Variants in CSPG4 observed in about 807,000 individuals in gnomAD.
CSPG4 encodes chondroitin sulfate proteoglycan 4.
In CSPG4, 74 loss-of-function variants were observed where a neutral mutation model predicts 139.3. The ratio of observed to expected loss-of-function variants is 0.53; its 90% CI spans 0.44 to 0.64. The LOEUF (loss-of-function observed/expected upper bound fraction) is 0.64, where lower values mean the gene tolerates loss of function less well. CSPG4 is among the 30% of genes least tolerant of loss of function. CSPG4 has a pLI of 0.00. For synonymous variants in CSPG4, 1,234 were observed against 1,394.2 expected (o/e 0.89, Z 2.56); for missense variants, 2,565 against 3,148.3 (o/e 0.81, Z 4.43).
At chr15:75,684,088 A>T (rs1286717005) in intron 5 of CSPG4, among the ~76,000 whole-genome samples, 5 of 137,664 alleles carry the variant, frequency 3.6e-5, no homozygotes, top group Non-Finnish European at 7.8e-5. Flanking sequence ...CCCTTTATGG[A>T]AACTTCAGTG....
intron 8 of CSPG4, among the ~76,000 whole-genome samples, chr15:75,678,111 C>A (rs540759129): frequency 2.6e-5 from 4 of 152,294 alleles, no homozygotes; most frequent in Admixed American, 6.5e-5. Flanking sequence ...ACTCTGCCAC[C>A]CTGGGGAAAT....
chr15:75,693,219 C>T lies in CSPG4; in HGVS notation c.103G>A (p.Glu35Lys). 1 of 1,605,960 alleles carries T rather than the reference C, an allele frequency of 6.2e-7. No homozygotes were observed. Among genetic ancestry groups the T allele is most frequent in the South Asian group, 1.1e-5 (1 of 89,932 alleles). Residue 35 changes from glutamate (E) to lysine (K), a missense_variant, in exon 2 of 10, where the codon GAG becomes AAG. Physicochemically the swap from Glu to Lys is moderately conservative, Grantham distance 56 (BLOSUM62 1). Around this residue, in one of 5 missense-constraint regions of CSPG4, gnomAD observed 47 missense variants for 48.7 expected, o/e 0.97. Transcript: ENST00000308508. ...GCCACAGGCACCTCCAGGTGGTTCT[C>T]ACCGAAGAAGGAAGCTGTGTGAGAG... ...RLASAASFFG[E>K]NHLEVPVATA...
At position 75,688,474 on chromosome 15, in the gene CSPG4, C is replaced by T. The variant is rs777240528; in HGVS notation, c.2591G>A (p.Arg864His). ...AGRVTYGATARASEAVEDTFR... is the reference protein window; with the variant it reads ...AGRVTYGATAHASEAVEDTFR... ...GGTGTCCTCGACTGCCTCTGAGGCA[C>T]GTGCTGTGGCCCCATAGGTCACCCG... Residue 864 changes from arginine to histidine, a missense_variant, in exon 3 of 10, where the codon CGT becomes CAT. This residue lies in a region of CSPG4 where 2,316 missense variants were observed against 2,818.2 expected (regional missense o/e 0.82). Transcript: ENST00000308508. 23 of 1,613,108 alleles carry T rather than the reference C, an allele frequency of 1.4e-5. No homozygotes were observed. The highest frequency in any genetic ancestry group is 9.9e-5 in the South Asian group (9 of 91,082).
In CSPG4 at chr15:75,675,113, G is replaced by A; in HGVS notation, c.*437C>T. The A allele has an allele frequency of 3.0e-6, 1 of 334,272 alleles. No homozygotes were observed. Among genetic ancestry groups the A allele is most frequent in the Admixed American group, 4.8e-5 (1 of 20,646 alleles). 20.7% of individuals were successfully genotyped at this position (334,272 alleles called of 1,614,324 possible). On this transcript the variant is annotated 3_prime_UTR_variant, in exon 10 of 10. Coordinates refer to ENST00000308508, the MANE Select transcript of CSPG4 (RefSeq NM_001897.5). ...GAGACAAAGGGTGGCCTGGGTTGGA[G>A]TGGAAAAGCCAGGAATAGCTTCCTC...
In CSPG4 at chr15:75,712,820, G is replaced by A. The variant is rs1894465378; in HGVS notation, c.-65C>T. 7 of 1,390,828 alleles carry A rather than the reference G, an allele frequency of 5.0e-6. No individual in the cohort carries two copies. The African/African-American group carries it at 6.0e-5, about 12-fold the overall frequency. 86.2% of individuals were successfully genotyped at this position (1,390,828 alleles called of 1,614,324 possible). Reference sequence around the variant, plus strand: ...GAGTCCTGGGAGCTGGGAGCTGAGTGGAGCGAGCGCGGCTCTGCTCCTGGG... The same window carrying A: ...GAGTCCTGGGAGCTGGGAGCTGAGTAGAGCGAGCGCGGCTCTGCTCCTGGG... On this transcript the variant is annotated 5_prime_UTR_variant, in exon 1 of 10. Transcript: ENST00000308508.
intron 1 of CSPG4, among the ~76,000 whole-genome samples, chr15:75,709,675 G>C (rs1367591841): frequency 6.6e-6 from 1 of 151,730 alleles, no homozygotes; most frequent in African/African-American, 2.4e-5. Flanking sequence ...TCCCCTGCCC[G>C]CCCCTCCTGG....
Position 75,674,715 on chromosome 15 carries a change from A to G in CSPG4, c.*835T>C, listed in dbSNP as rs1269043249. ...GTCCTCAGGGGGGCACTGGCACCGC[A>G]GTGGCCTCGGCCTGAGACCCTCGAT... On this transcript the variant is annotated 3_prime_UTR_variant, in exon 10 of 10. Coordinates refer to ENST00000308508, the MANE Select transcript of CSPG4 (RefSeq NM_001897.5). 5.0e-6 allele frequency: 2 copies of G among 398,686 alleles called. No homozygotes were observed. Among genetic ancestry groups the G allele is most frequent in the African/African-American group, 2.1e-5 (1 of 48,616 alleles). 24.7% of individuals were successfully genotyped at this position (398,686 alleles called of 1,614,324 possible).
In CSPG4 at chr15:75,682,463, C is replaced by T. The variant is rs761692206; in HGVS notation, c.4784-4G>A. On this transcript the variant is annotated splice_polypyrimidine_tract_variant and splice_region_variant and intron_variant, in intron 7 of 9. Coordinates refer to ENST00000308508, the MANE Select transcript of CSPG4 (RefSeq NM_001897.5). Reference sequence around the variant, plus strand: ...CTGCTGAGTGGCTGGACGGACCCTGCCAGAGGCAAAAGGGGATATCAGATT... The same window carrying T: ...CTGCTGAGTGGCTGGACGGACCCTGTCAGAGGCAAAAGGGGATATCAGATT... 9 of 1,576,380 alleles carry T rather than the reference C, an allele frequency of 5.7e-6. No homozygotes were observed. In the South Asian group the frequency reaches 1.0e-4, roughly 18 times the overall value.
chr15:75,702,697 C>T (rs554486051), intron 1 of CSPG4, among the ~76,000 whole-genome samples: 2 of 152,184 alleles, frequency 1.3e-5, no homozygotes, highest in South Asian at 2.1e-4. Context: ...TGGGAGGGCT[C>T]GAGGGACTGC....
intron 8 of CSPG4, among the ~76,000 whole-genome samples, chr15:75,681,877 C>A (rs1893978475): frequency 6.6e-6 from 1 of 152,224 alleles, no homozygotes; most frequent in African/African-American, 2.4e-5. Flanking sequence ...CCCAGGCTCA[C>A]ACCTCTGCCC....
chr15:75,685,775 G>A (rs1894050027), intron 3 of CSPG4, 74 bp from the exon 4 acceptor site: 2 of 1,474,774 alleles, frequency 1.4e-6, no homozygotes, highest in Non-Finnish European at 1.8e-6. Context: ...GTGGCCCTAA[G>A]AAGCCGGAAC....
chr15:75,694,597 C>T (rs955020724), intron 1 of CSPG4, among the ~76,000 whole-genome samples: 4 of 152,312 alleles, frequency 2.6e-5, no homozygotes, highest in African/African-American at 7.2e-5. Context: ...TTGGAGGAGT[C>T]GGAGACTTGT....
At chr15:75,697,993 A>C (rs1210372915) in intron 1 of CSPG4, among the ~76,000 whole-genome samples, 1 of 152,226 alleles carries the variant, frequency 6.6e-6, no homozygotes, top group African/African-American at 2.4e-5. Context: ...GGATTCACAT[A>C]CAGACCAAGG....
chr15:75,688,248 C>T lies in CSPG4; in HGVS notation c.2817G>A (p.Arg939=). The T allele has an allele frequency of 1.2e-6, 2 of 1,612,954 alleles. No individual in the cohort carries two copies. The highest frequency in any genetic ancestry group is 1.7e-6 in the Non-Finnish European group (2 of 1,179,962). ...GCCAAGCCAACCTCCCATGGCGGGG[C>T]CGCTCCATGACCTCATAGAGGTAGC... ...SASYLYEVME[R]PRHGRLAWRG... is the part of the protein sequence containing the mutation. Residue 939 remains arginine, a synonymous_variant, in exon 3 of 10, where the codon CGG becomes CGA. Transcript: ENST00000308508.
intron 5 of CSPG4, 129 bp downstream of exon 5, chr15:75,684,607 G>T: frequency 1.2e-6 from 1 of 815,854 alleles, no homozygotes; most frequent in Non-Finnish European, 1.9e-6. Context: ...CGTGAGGCAT[G>T]TGGCAGCGTC....
chr15:75,694,977 C>T (rs1045129574), intron 1 of CSPG4, among the ~76,000 whole-genome samples: 2 of 152,244 alleles, frequency 1.3e-5, no homozygotes, highest in African/African-American at 4.8e-5. Flanking sequence ...AGAGCCACCA[C>T]CGTCACCTGC....
At position 75,689,663 on chromosome 15, in the gene CSPG4, C is replaced by G; in HGVS notation, c.1402G>C (p.Val468Leu). 2.5e-6 allele frequency: 4 copies of G among 1,612,938 alleles called. No individual in the cohort carries two copies. Among genetic ancestry groups the G allele is most frequent in the Non-Finnish European group, 3.4e-6 (4 of 1,179,866 alleles). Reference protein sequence around the residue: ...LMEAELRKSQVLFSVTRGARH... With the variant: ...LMEAELRKSQLLFSVTRGARH... ...GCCCCTCGGGTCACGCTGAACAGCA[C>G]CTGGGATTTGCGCAGCTCAGCCTCC... Residue 468 changes from valine (V) to leucine (L), a missense_variant, in exon 3 of 10, where the codon GTG becomes CTG. Val to Leu is a conservative substitution (Grantham distance 32). Around this residue, in one of 5 missense-constraint regions of CSPG4, gnomAD observed 2,316 missense variants for 2,818.2 expected, o/e 0.82. Transcript: ENST00000308508.
Position 75,676,309 on chromosome 15 carries a change from A to G in CSPG4, c.6210T>C (p.Ala2070=), listed in dbSNP as rs1309288328. 3.7e-6 allele frequency: 6 copies of G among 1,607,636 alleles called. No individual in the cohort carries two copies. In the Admixed American group the frequency reaches 8.4e-5, roughly 23 times the overall value. The change falls in exon 10 of 10, where the codon GCT becomes GCC. Residue 2070 remains alanine, a synonymous_variant. Coordinates refer to ENST00000308508, the MANE Select transcript of CSPG4 (RefSeq NM_001897.5). ...TLRLDPTVLD[A]GELANRTGSV... ...TGCCTGTGCGGTTGGCCAGCTCGCC[A>G]GCATCTAGGACGGTGGGGTCCAGGC...
Position 75,675,972 on chromosome 15 carries a change from G to A in CSPG4, c.6547C>T (p.Arg2183Trp), listed in dbSNP as rs1291027438. The A allele has an allele frequency of 4.4e-6, 7 of 1,578,316 alleles. No individual in the cohort carries two copies. The highest frequency in any genetic ancestry group is 1.3e-5 in the African/African-American group (1 of 74,604). ...CTCTCTGGCTTCCCTGCTTCCGTCC[G>A]GGCGGCCTCGGGGACACTGAGCAGG... ...VALLSVPEAA[R>W]TEAGKPESST... The change falls in exon 10 of 10, where the codon CGG becomes TGG. Residue 2183 changes from arginine (R) to tryptophan (W), a missense_variant. Arg to Trp is a moderately radical substitution (Grantham distance 101). This residue lies in a region of CSPG4 where 2,316 missense variants were observed against 2,818.2 expected (regional missense o/e 0.82). Transcript: ENST00000308508.
Sources: gnomAD v4.1 joint callset for allele counts (sites outside exome capture counted in the v4.1 genomes callset) on GRCh38, gnomAD v4.1.1 for gene constraint, gnomAD v4.1.1 regional missense constraint, MANE v1.5 for transcripts, NCBI Gene and HGNC (gene_info 2026-07-23, HGNC 2026-07-21) for gene names.